NXPH1: variants seen among roughly 807,000 people sequenced by gnomAD.
NXPH1 encodes the protein neurexophilin-1.
A neutral mutation model predicts 23.7 loss-of-function variants in NXPH1; 5 were observed. The observed-to-expected ratio is 0.21, with a 90% confidence interval of 0.11 to 0.44. NXPH1 has a LOEUF of 0.44. NXPH1 is among the 20% of genes least tolerant of loss of function. The pLI is 0.99. For missense variants in NXPH1, 324 were observed against 321.6 expected, an observed-to-expected ratio of 1.01 and a Z score of -0.06; for synonymous variants, 144 against 122.2, an observed-to-expected ratio of 1.18 and a Z score of -1.18.
intron 2 of NXPH1, among the ~76,000 whole-genome samples, chr7:8,652,234 C>T (rs1820502141): frequency 6.6e-6 from 1 of 152,082 alleles, no homozygotes; most frequent in African/African-American, 2.4e-5. Flanking sequence ...GTAACAAAAT[C>T]ACCTTTAATC....
At chr7:8,565,444 C>CA (rs1443227621) in intron 2 of NXPH1, among the ~76,000 whole-genome samples, 1 of 151,716 alleles carries the variant, frequency 6.6e-6, no homozygotes, top group Non-Finnish European at 1.5e-5. Flanking sequence ...AAATCTGATT[C>CA]AAGAGCTTAT....
At chr7:8,720,154 G>A (rs1028774167) in intron 2 of NXPH1, among the ~76,000 whole-genome samples, 1 of 85,158 alleles carries the variant, frequency 1.2e-5, no homozygotes, top group South Asian at 3.8e-4. Flanking sequence ...TTGGTTAAGT[G>A]TCCATTCTTG....
intron 2 of NXPH1, among the ~76,000 whole-genome samples, chr7:8,558,689 C>T (rs142634040): frequency 1.6e-4 from 24 of 151,686 alleles, no homozygotes; most frequent in African/African-American, 5.8e-4. Flanking sequence ...ATGATTGTTA[C>T]TGATATTTAA....
chr7:8,474,680 C>T (rs2189907), intron 2 of NXPH1, among the ~76,000 whole-genome samples: 56,812 of 151,980 alleles, frequency 0.37, 11,106 homozygotes, highest in East Asian at 0.61. Context: ...TAGTCGCATA[C>T]TAACTCTCAA....
At chr7:8,681,560 C>G (rs1047363425) in intron 2 of NXPH1, among the ~76,000 whole-genome samples, 5 of 152,216 alleles carry the variant, frequency 3.3e-5, no homozygotes, top group African/African-American at 1.2e-4. Flanking sequence ...CTTGACTAGA[C>G]AGTAAGTCAC....
chr7:8,492,969 G>A (rs1410135079), intron 2 of NXPH1, among the ~76,000 whole-genome samples: 2 of 152,096 alleles, frequency 1.3e-5, no homozygotes, highest in East Asian at 3.9e-4. Context: ...CTCCTAAAAT[G>A]TAATCTATTA....
At position 8,747,751 on chromosome 7, in the gene NXPH1, A is replaced by G. The variant is rs541291098; in HGVS notation, c.55-3257A>G. On this transcript the variant is annotated intron_variant, in intron 2 of 2. Transcript: ENST00000405863. The stretch of plus-strand genomic sequence containing the variant: ...AAGTGCAGATTCAGATGTTTAATCA[A>G]TTAGATTTTATTCACGCACACACAC... 3.3e-5 allele frequency among the ~76,000 whole-genome samples: 5 copies of G among 149,800 alleles called. No individual in the cohort carries two copies. The South Asian group carries it at 6.2e-4, about 19-fold the overall frequency.
At chr7:8,750,443 C>T (rs1780544704) in intron 2 of NXPH1, among the ~76,000 whole-genome samples, 1 of 152,110 alleles carries the variant, frequency 6.6e-6, no homozygotes, top group East Asian at 1.9e-4. Context: ...AGTTCCCTCC[C>T]CTCACCTCTC....
chr7:8,750,679 G>A (rs2115235992), intron 2 of NXPH1, among the ~76,000 whole-genome samples: 1 of 152,080 alleles, frequency 6.6e-6, no homozygotes, highest in South Asian at 2.1e-4. Flanking sequence ...ATTAACCAGT[G>A]GTTTTATATA....
At chr7:8,738,718 C>T (rs942496532) in intron 2 of NXPH1, among the ~76,000 whole-genome samples, 1 of 152,150 alleles carries the variant, frequency 6.6e-6, no homozygotes, top group African/African-American at 2.4e-5. Flanking sequence ...CAAAGCTGTG[C>T]CCACAGCTAC....
intron 2 of NXPH1, among the ~76,000 whole-genome samples, chr7:8,633,170 C>T (rs990505151): frequency 2.0e-5 from 3 of 152,184 alleles, no homozygotes; most frequent in South Asian, 2.1e-4. Flanking sequence ...TGGTGGCTCA[C>T]GCCTGTAATC....
chr7:8,624,861 G>C (rs1819953531), intron 2 of NXPH1, among the ~76,000 whole-genome samples: 1 of 152,062 alleles, frequency 6.6e-6, no homozygotes, highest in Non-Finnish European at 1.5e-5. Context: ...GGGCTCCTCA[G>C]TGCAGTTTGG....
intron 2 of NXPH1, among the ~76,000 whole-genome samples, chr7:8,449,748 C>A (rs7795595): frequency 0.48 from 73,269 of 152,048 alleles, 18,784 homozygotes; most frequent in East Asian, 0.75. Flanking sequence ...CTGTTGCCTT[C>A]CATTTCAATT....
intron 2 of NXPH1, among the ~76,000 whole-genome samples, chr7:8,488,499 G>A (rs952500918): frequency 6.6e-6 from 1 of 152,174 alleles, no homozygotes; most frequent in South Asian, 2.1e-4. Context: ...TGAAACCCAG[G>A]CCTCATCTCC....
At chr7:8,634,388 G>T (rs1820183082) in intron 2 of NXPH1, among the ~76,000 whole-genome samples, 1 of 152,140 alleles carries the variant, frequency 6.6e-6, no homozygotes, top group South Asian at 2.1e-4. Context: ...GGAACTGGGA[G>T]TCCATTTTTA....
At chr7:8,537,510 T>A (rs531462739) in intron 2 of NXPH1, among the ~76,000 whole-genome samples, 3 of 151,832 alleles carry the variant, frequency 2.0e-5, no homozygotes, top group Non-Finnish European at 4.4e-5. Flanking sequence ...TCAGATCTCA[T>A]GAAAACTCAT....
chr7:8,641,547 T>C (rs77447588), intron 2 of NXPH1, among the ~76,000 whole-genome samples: 9,713 of 152,228 alleles, frequency 0.064, 479 homozygotes, highest in East Asian at 0.17. Flanking sequence ...GACAACAATT[T>C]TCAACATTTT....
intron 2 of NXPH1, among the ~76,000 whole-genome samples, chr7:8,501,889 G>T (rs1817442098): frequency 6.6e-6 from 1 of 152,078 alleles, no homozygotes; most frequent in Non-Finnish European, 1.5e-5. Flanking sequence ...GTAAGGCCTA[G>T]GGCCTATATA....
chr7:8,502,462 T>A (rs1817452718), intron 2 of NXPH1, among the ~76,000 whole-genome samples: 1 of 151,864 alleles, frequency 6.6e-6, no homozygotes, highest in African/African-American at 2.4e-5. Flanking sequence ...ACTCAAGGAA[T>A]AGGATTTTAT....
Sources: gnomAD v4.1 joint callset for allele counts (sites outside exome capture counted in the v4.1 genomes callset) on GRCh38, gnomAD v4.1.1 for gene constraint, MANE v1.5 for transcripts, NCBI Gene and HGNC (gene_info 2026-07-23, HGNC 2026-07-21) for gene names.